HOMER2: variants seen among roughly 807,000 people sequenced by gnomAD.
HOMER2 encodes homer protein homolog 2.
HOMER2 carries 27 observed loss-of-function variants against 47.0 expected under a neutral mutation model. That is an observed-to-expected ratio of 0.57 (90% CI 0.42 to 0.79). HOMER2 has a LOEUF of 0.79. HOMER2 is among the 30% of genes least tolerant of loss of function. The pLI, the probability that HOMER2 is intolerant of heterozygous loss-of-function variation, is 0.00. For missense variants in HOMER2, 443 were observed against 435.0 expected, an observed-to-expected ratio of 1.02 and a Z score of -0.16; for synonymous variants, 161 against 163.8, an observed-to-expected ratio of 0.98 and a Z score of 0.13.
At chr15:82,854,170 T>G (rs2051489625) in intron 6 of HOMER2, among the ~76,000 whole-genome samples, 1 of 152,208 alleles carries the variant, frequency 6.6e-6, no homozygotes, top group Non-Finnish European at 1.5e-5. Context: ...TTCAGGAGGC[T>G]GAGGCGGGTG....
intron 1 of HOMER2, among the ~76,000 whole-genome samples, chr15:82,943,177 C>T (rs1198255295): frequency 6.6e-6 from 1 of 152,218 alleles, no homozygotes; most frequent in African/African-American, 2.4e-5. Flanking sequence ...ATGCTCTATA[C>T]ACATTTTCTA....
intron 6 of HOMER2, among the ~76,000 whole-genome samples, chr15:82,853,521 C>CGGGCA (rs1284742910): frequency 2.0e-5 from 3 of 152,090 alleles, no homozygotes; most frequent in Non-Finnish European, 4.4e-5. Context: ...CCCTCCAGGT[C>CGGGCA]GGGCAGGGCA....
At chr15:82,909,256 C>A (rs1287339720) in intron 1 of HOMER2, among the ~76,000 whole-genome samples, 2 of 152,140 alleles carry the variant, frequency 1.3e-5, no homozygotes, top group African/African-American at 4.8e-5. Context: ...CTCAGCAAGG[C>A]AATTTACTTC....
intron 1 of HOMER2, among the ~76,000 whole-genome samples, chr15:82,974,011 T>C (rs2030105513): frequency 6.9e-6 from 1 of 145,266 alleles, no homozygotes; most frequent in East Asian, 2.1e-4. Flanking sequence ...GGCACGAGGG[T>C]CACTTGAACC....
intron 1 of HOMER2, among the ~76,000 whole-genome samples, chr15:82,973,128 G>A (rs555750980): frequency 1.5e-4 from 23 of 152,338 alleles, no homozygotes; most frequent in South Asian, 1.0e-3. Flanking sequence ...GGCTACAGCA[G>A]TGTCTAATAT....
chr15:82,964,257 G>C (rs901096005), intron 1 of HOMER2, among the ~76,000 whole-genome samples: 1 of 152,200 alleles, frequency 6.6e-6, no homozygotes, highest in East Asian at 1.9e-4. Context: ...TCACGTTCAG[G>C]CTGCTCCAGC....
chr15:82,865,036 A>G (rs1477616205), intron 3 of HOMER2, among the ~76,000 whole-genome samples: 1 of 152,258 alleles, frequency 6.6e-6, no homozygotes, highest in Non-Finnish European at 1.5e-5. Flanking sequence ...AGCACAGGCT[A>G]TCCTCTGAGT....
chr15:82,890,031 G>A (rs1011025523), intron 2 of HOMER2, among the ~76,000 whole-genome samples: 2 of 152,172 alleles, frequency 1.3e-5, no homozygotes, highest in Non-Finnish European at 2.9e-5. Flanking sequence ...GATCTCTGGT[G>A]CCACAGCACT....
At chr15:82,876,961 A>C (rs112139336) in intron 2 of HOMER2, among the ~76,000 whole-genome samples, 2 of 152,194 alleles carry the variant, frequency 1.3e-5, no homozygotes, top group East Asian at 3.8e-4. Flanking sequence ...CAGACTATTG[A>C]GTTTGCTGAT....
chr15:82,896,430 C>T (rs148794141), intron 1 of HOMER2, among the ~76,000 whole-genome samples: 6 of 152,352 alleles, frequency 3.9e-5, no homozygotes, highest in African/African-American at 1.4e-4. Context: ...TCTGCCTGCT[C>T]AGCTCTGTGG....
intron 3 of HOMER2, among the ~76,000 whole-genome samples, chr15:82,867,684 T>G (rs1596312168): frequency 6.6e-6 from 1 of 152,224 alleles, no homozygotes; most frequent in South Asian, 2.1e-4. Flanking sequence ...TAGTGTTGTG[T>G]ATTGGTGCAG....
chr15:82,944,135 T>C (rs1201594947), intron 1 of HOMER2, among the ~76,000 whole-genome samples: 1 of 152,228 alleles, frequency 6.6e-6, no homozygotes, highest in African/African-American at 2.4e-5. Flanking sequence ...ATTTGAAATA[T>C]AATTTAAATA....
chr15:82,952,723 G>C (rs1056223786), upstream of HOMER2: 4 of 981,014 alleles, frequency 4.1e-6, no homozygotes, highest in Admixed American at 1.3e-4. Context: ...CCAGGCGCGG[G>C]CGGGCGGGGG....
At position 82,946,251 on chromosome 15, in the gene HOMER2, G is replaced by A. The variant is rs181097130; in HGVS notation, c.5+6280C>T. On this transcript the variant is annotated intron_variant, in intron 1 of 8. Coordinates refer to ENST00000450735, the MANE Select transcript of HOMER2 (RefSeq NM_004839.4). ...CCCTGATATTTCCAGCGAACTGTGC[G>A]AGCAGCAAACATGCCTTTATTCTTT... Among the ~76,000 whole-genome samples the A allele has an allele frequency of 7.9e-5, 12 of 152,314 alleles. 1 individual carries two copies. The East Asian group carries it at 1.5e-3, about 20-fold the overall frequency.
chr15:82,950,690 GAAGT>G (rs2054487934), intron 1 of HOMER2, among the ~76,000 whole-genome samples: 1 of 152,182 alleles, frequency 6.6e-6, no homozygotes, highest in Non-Finnish European at 1.5e-5. Flanking sequence ...TTATCTACGA[GAAGT>G]GAGTAATATA....
intron 1 of HOMER2, among the ~76,000 whole-genome samples, chr15:82,896,684 G>A (rs1022715593): frequency 6.6e-6 from 1 of 151,284 alleles, no homozygotes; most frequent in Non-Finnish European, 1.5e-5. Flanking sequence ...AGAGGCCAAA[G>A]ACCTGCATTC....
intron 1 of HOMER2, among the ~76,000 whole-genome samples, chr15:82,893,626 T>G (rs1267235066): frequency 2.3e-5 from 2 of 85,650 alleles, no homozygotes; most frequent in African/African-American, 1.9e-4. Flanking sequence ...CCACTGCGCC[T>G]TTTTTTTTTT....
chr15:82,982,123 A>G (rs1422706237), intron 1 of HOMER2, among the ~76,000 whole-genome samples: 4 of 152,256 alleles, frequency 2.6e-5, no homozygotes, highest in Non-Finnish European at 5.9e-5. Flanking sequence ...ATGCACATCA[A>G]CAGGCCCAAG....
intron 2 of HOMER2, among the ~76,000 whole-genome samples, chr15:82,889,811 G>T (rs565636213): frequency 2.8e-5 from 4 of 145,406 alleles, no homozygotes; most frequent in African/African-American, 1.1e-4. Context: ...CTGCCAGGTC[G>T]AGAGAGGGCC....
Sources: gnomAD v4.1 joint callset for allele counts (sites outside exome capture counted in the v4.1 genomes callset) on GRCh38, gnomAD v4.1.1 for gene constraint, MANE v1.5 for transcripts, NCBI Gene and HGNC (gene_info 2026-07-23, HGNC 2026-07-21) for gene names.